The following ZNF804B variants were observed in gnomAD, a reference collection of about 807,000 sequenced individuals.
The protein encoded by ZNF804B is zinc finger 804B.
A neutral mutation model predicts 101.4 loss-of-function variants in ZNF804B; 80 were observed. The observed-to-expected ratio is 0.79, with a 90% confidence interval of 0.66 to 0.95. ZNF804B has a LOEUF of 0.95. ZNF804B is among the 40% of genes least tolerant of loss of function. The pLI is 0.00. For missense variants in ZNF804B, 1,673 were observed against 1,561.9 expected (o/e 1.07, Z -1.20); for synonymous variants, 622 against 558.8 (o/e 1.11, Z -1.59).
rs1377276248 is a variant in ZNF804B at position 89,255,784 on chromosome 7, A to G, written c.249+37489A>G. On this transcript the variant is annotated intron_variant, in intron 2 of 3. Coordinates refer to ENST00000333190, the MANE Select transcript of ZNF804B (RefSeq NM_181646.5). ...TACAGAGAGGGAAATATAAGTAATA[A>G]TCTGTAAAAAAGTGTTTCTAATATT... Among the ~76,000 whole-genome samples the G allele has an allele frequency of 1.3e-5, 2 of 152,182 alleles. 1 individual carries two copies. Among genetic ancestry groups the G allele is most frequent in the South Asian group, 4.1e-4 (2 of 4,834 alleles).
At chr7:89,038,579 T>A (rs796553979) in intron 1 of ZNF804B, among the ~76,000 whole-genome samples, 3 of 152,282 alleles carry the variant, frequency 2.0e-5, no homozygotes, top group African/African-American at 7.2e-5. Context: ...TTATCAGATA[T>A]ATGGTTTGCA....
chr7:88,785,454 G>A (rs756576955), intron 1 of ZNF804B, among the ~76,000 whole-genome samples: 8 of 152,162 alleles, frequency 5.3e-5, no homozygotes, highest in Non-Finnish European at 1.2e-4. Flanking sequence ...TATCTATACA[G>A]TCTCGTTACC....
At chr7:89,020,421 G>T (rs1788648239) in intron 1 of ZNF804B, among the ~76,000 whole-genome samples, 1 of 152,050 alleles carries the variant, frequency 6.6e-6, no homozygotes, top group African/African-American at 2.4e-5. Context: ...TTTCTGCTGA[G>T]AAATCTGTTA....
chr7:88,801,112 A>C (rs1419753332), intron 1 of ZNF804B, among the ~76,000 whole-genome samples: 1 of 151,672 alleles, frequency 6.6e-6, no homozygotes, highest in Non-Finnish European at 1.5e-5. Context: ...TACATGAGTA[A>C]GTTCTTTAGT....
intron 1 of ZNF804B, among the ~76,000 whole-genome samples, chr7:89,035,814 G>C (rs1788916302): frequency 6.7e-6 from 1 of 148,906 alleles, no homozygotes; most frequent in African/African-American, 2.5e-5. Context: ...TGGACCCGTA[G>C]GGTATGGGAA....
intron 1 of ZNF804B, among the ~76,000 whole-genome samples, chr7:88,892,072 G>A (rs903688346): frequency 1.3e-5 from 2 of 152,088 alleles, no homozygotes; most frequent in African/African-American, 2.4e-5. Context: ...TCCTTAGCAT[G>A]TGTTACCTCC....
intron 1 of ZNF804B, among the ~76,000 whole-genome samples, chr7:89,215,744 G>A (rs575799481): frequency 1.0e-3 from 154 of 151,842 alleles, no homozygotes; most frequent in African/African-American, 3.3e-3. Flanking sequence ...TTAGCCGGGC[G>A]TGGCAGCGGG....
At chr7:89,045,582 G>C (rs1464346850) in intron 1 of ZNF804B, among the ~76,000 whole-genome samples, 2 of 152,310 alleles carry the variant, frequency 1.3e-5, no homozygotes, top group Non-Finnish European at 2.9e-5. Context: ...AGCATGACTT[G>C]GATGTGAGAC....
chr7:88,912,345 A>AT (rs1245111877), intron 1 of ZNF804B, among the ~76,000 whole-genome samples: 4 of 151,908 alleles, frequency 2.6e-5, no homozygotes, highest in Non-Finnish European at 5.9e-5. Flanking sequence ...CAGGAAATAT[A>AT]TTTTTTCTAA....
chr7:89,055,216 G>C (rs922713550), intron 1 of ZNF804B, among the ~76,000 whole-genome samples: 1 of 152,074 alleles, frequency 6.6e-6, no homozygotes, highest in Non-Finnish European at 1.5e-5. Flanking sequence ...AGGAAAGGCT[G>C]AGTACAAAGA....
chr7:89,085,927 T>C (rs1338899303), intron 1 of ZNF804B, among the ~76,000 whole-genome samples: 1 of 151,978 alleles, frequency 6.6e-6, no homozygotes, highest in East Asian at 1.9e-4. Context: ...TCTTCCGGGA[T>C]TTTTAAAACA....
intron 3 of ZNF804B, among the ~76,000 whole-genome samples, chr7:89,331,113 T>G (rs1252186525): frequency 6.6e-6 from 1 of 151,704 alleles, no homozygotes; most frequent in African/African-American, 2.4e-5. Context: ...TAATTTCAAC[T>G]GTGTTTCATA....
chr7:89,010,750 A>T (rs1788443860), intron 1 of ZNF804B, among the ~76,000 whole-genome samples: 1 of 152,214 alleles, frequency 6.6e-6, no homozygotes, highest in Non-Finnish European at 1.5e-5. Flanking sequence ...TTCTACCATT[A>T]TAAAGCAAAC....
intron 2 of ZNF804B, among the ~76,000 whole-genome samples, chr7:89,312,118 G>A (rs1220057596): frequency 1.3e-5 from 2 of 152,100 alleles, no homozygotes; most frequent in African/African-American, 4.8e-5. Context: ...CTTACCATAT[G>A]CCACTCCCTC....
At chr7:88,938,444 C>A (rs549877019) in intron 1 of ZNF804B, among the ~76,000 whole-genome samples, 210 of 152,074 alleles carry the variant, frequency 1.4e-3, no homozygotes, top group African/African-American at 4.8e-3. Flanking sequence ...CAAAATACGG[C>A]AAATAAACAT....
rs73393272 is a variant in ZNF804B at position 89,134,193 on chromosome 7, G to A, written c.109-83962G>A. On this transcript the variant is annotated intron_variant, in intron 1 of 3. Coordinates refer to ENST00000333190, the MANE Select transcript of ZNF804B (RefSeq NM_181646.5). ...CAACATTTTGTAGACTTGTTTGAAC[G>A]TCATAAATACAGCCAGGAACAGAAT... Among the ~76,000 whole-genome samples, 1,126 of 152,132 alleles carry A rather than the reference G, an allele frequency of 7.4e-3. 16 individuals are homozygous for A. Among genetic ancestry groups the A allele is most frequent in the African/African-American group, 0.025 (1,051 of 41,498 alleles).
At position 88,845,424 on chromosome 7, in the gene ZNF804B, A is replaced by G. The variant is rs150158606; in HGVS notation, c.108+85340A>G. On this transcript the variant is annotated intron_variant, in intron 1 of 3. Transcript: ENST00000333190. Reference sequence around the variant, plus strand: ...CACCTAGATGGCATTGCCACTGGAGAAGAATCTGGAAATCCTGACCCTAGC... The same window carrying G: ...CACCTAGATGGCATTGCCACTGGAGGAGAATCTGGAAATCCTGACCCTAGC... Among the ~76,000 whole-genome samples the G allele has an allele frequency of 9.7e-3, 1,479 of 152,190 alleles. 19 individuals are homozygous for G. The highest frequency in any genetic ancestry group is 0.01 in the Non-Finnish European group (694 of 68,010).
At chr7:89,308,352 T>G (rs1227713367) in intron 2 of ZNF804B, among the ~76,000 whole-genome samples, 1 of 152,146 alleles carries the variant, frequency 6.6e-6, no homozygotes, top group Non-Finnish European at 1.5e-5. Flanking sequence ...TGTGAGATCC[T>G]ATTCAGTGAG....
intron 1 of ZNF804B, among the ~76,000 whole-genome samples, chr7:88,846,228 T>C (rs1476296203): frequency 1.3e-5 from 2 of 151,872 alleles, no homozygotes; most frequent in African/African-American, 4.8e-5. Context: ...TGGAGCACAG[T>C]CGAATACATT....
Sources: allele counts gnomAD v4.1 joint callset (sites outside exome capture counted in the v4.1 genomes callset), GRCh38; gene constraint gnomAD v4.1.1; transcripts MANE v1.5; gene names NCBI Gene and HGNC (gene_info 2026-07-23, HGNC 2026-07-21).